STAT5A: variants seen among roughly 807,000 people sequenced by gnomAD.
The protein encoded by STAT5A is signal transducer and activator of transcription 5A.
STAT5A carries 26 observed loss-of-function variants against 100.2 expected under a neutral mutation model. The observed-to-expected ratio is 0.26, with a 90% CI of 0.19 to 0.36. STAT5A has a LOEUF of 0.36. Among genes scored for constraint, STAT5A ranks in the 10% least tolerant of loss-of-function variants. The pLI is 1.00. For synonymous variants in STAT5A, 330 were observed against 424.3 expected, an observed-to-expected ratio of 0.78 and a Z score of 2.73; for missense variants, 634 against 1,027.5, an observed-to-expected ratio of 0.62 and a Z score of 5.24.
At position 42,296,568 on chromosome 17, in the gene STAT5A, C is replaced by T. The variant is rs751570125; in HGVS notation, c.550+775C>T. ...GTGTCAAACTGCTTTTTCCTTTACT[C>T]TTTTTAATCTGATTTCTTAAGGTAG... On this transcript the variant is annotated intron_variant, in intron 5 of 18. Transcript: ENST00000590949. 4.6e-5 allele frequency among the ~76,000 whole-genome samples: 7 copies of T among 152,160 alleles called. No homozygotes were observed. In the East Asian group the frequency reaches 7.7e-4, roughly 17 times the overall value.
chr17:42,303,418 G>C (rs2080999573), intron 9 of STAT5A, among the ~76,000 whole-genome samples: 1 of 149,824 alleles, frequency 6.7e-6, no homozygotes. Flanking sequence ...AGTTAAGACA[G>C]AGCAATCTAG....
At chr17:42,299,645 G>A (rs538224573) in intron 5 of STAT5A, 106 bp from the exon 6 acceptor site, 61 of 1,575,716 alleles carry the variant, frequency 3.9e-5, no homozygotes, top group South Asian at 1.3e-4. Context: ...TTGATGCAGT[G>A]TCTGAGCCTG....
upstream of STAT5A, chr17:42,288,210 G>C (rs1480492764): frequency 6.6e-6 from 1 of 152,308 alleles, no homozygotes; most frequent in African/African-American, 2.4e-5. The surrounding 1 kb of genome is among the most constrained non-coding windows in gnomAD (Gnocchi z 4.8). Context: ...CATTCCCCCG[G>C]CTATTCTGAC....
intron 1 of STAT5A, 143 bp from the exon 2 acceptor site, chr17:42,289,259 T>C: frequency 1.1e-6 from 1 of 943,974 alleles, no homozygotes; most frequent in Non-Finnish European, 1.5e-6. Context: ...CCATCTCTGT[T>C]CCCGCACAGG....
Position 42,299,901 on chromosome 17 carries a change from T to G in STAT5A, c.681+20T>G. On this transcript the variant is annotated intron_variant, in intron 6 of 18. Coordinates refer to ENST00000590949, the MANE Select transcript of STAT5A (RefSeq NM_001288718.2). ...CGCGTGGTGAGTGGGGTCCTGGGCC[T>G]CTCCTGGGCGTGGGTGCCATGAAGT... 6.3e-7 allele frequency: 1 copy of G among 1,593,928 alleles called. No homozygotes were observed. The highest frequency in any genetic ancestry group is 8.5e-7 in the Non-Finnish European group (1 of 1,171,860).
intron 9 of STAT5A, among the ~76,000 whole-genome samples, chr17:42,303,308 C>T (rs1485340901): frequency 6.6e-6 from 1 of 152,140 alleles, no homozygotes; most frequent in Non-Finnish European, 1.5e-5. Flanking sequence ...GACAAATGAC[C>T]TTCTCACTGC....
At chr17:42,306,214 T>G in intron 12 of STAT5A, 27 bp from the exon 13 acceptor site, 2 of 1,613,960 alleles carry the variant, frequency 1.2e-6, no homozygotes, top group Non-Finnish European at 1.7e-6. Context: ...TCAATCTACC[T>G]TTTCCCCTCT....
rs3833144 is a variant in STAT5A at position 42,310,778 on chromosome 17, TTGTGTGTGTG to T, written c.*123_*132del. ...GACACCTTTGCAGGCATGCATGTGC[TTGTGTGTGTG>T]TGTGTGTGTGTGTCCTTGTGCATGA... On this transcript the variant is annotated 3_prime_UTR_variant, in exon 19 of 19. Coordinates refer to ENST00000590949, the MANE Select transcript of STAT5A (RefSeq NM_001288718.2). The T allele has an allele frequency of 4.8e-5, 68 of 1,426,546 alleles. No individual in the cohort carries two copies. In the African/African-American group the frequency reaches 6.1e-4, roughly 13 times the overall value. 88.4% of individuals were successfully genotyped at this position (1,426,546 alleles called of 1,614,324 possible). A position where few individuals can be genotyped will look rare whatever the true frequency, so the allele number is the denominator to read the frequency against.
intron 8 of STAT5A, among the ~76,000 whole-genome samples, 190 bp downstream of exon 8, chr17:42,301,060 C>T (rs760759166): frequency 2.6e-5 from 4 of 152,088 alleles, no homozygotes; most frequent in Non-Finnish European, 4.4e-5. Context: ...CAAGAGATAC[C>T]CTGGGCCGCA....
intron 5 of STAT5A, among the ~76,000 whole-genome samples, chr17:42,298,616 C>T (rs2080943583): frequency 6.6e-6 from 1 of 152,006 alleles, no homozygotes; most frequent in Admixed American, 6.5e-5. Context: ...GAACTACAGG[C>T]ACCCGCCACC....
intron 15 of STAT5A, 23 bp downstream of exon 15, chr17:42,307,746 C>T (rs1216200293): frequency 1.2e-6 from 2 of 1,610,028 alleles, no homozygotes; most frequent in African/African-American, 1.3e-5. Flanking sequence ...TTTGCCCACA[C>T]TCCAGCCCCA....
intron 4 of STAT5A, among the ~76,000 whole-genome samples, chr17:42,294,614 T>G (rs1179338483): frequency 1.3e-5 from 2 of 152,204 alleles, no homozygotes; most frequent in Non-Finnish European, 1.5e-5. Context: ...CCAGTTAAAG[T>G]GCTTTGCCTC....
chr17:42,306,164 G>A lies in STAT5A; in HGVS notation c.1474-77G>A, dbSNP rs142662469. 5.3e-5 allele frequency: 85 copies of A among 1,607,874 alleles called. No individual in the cohort carries two copies. The African/African-American group carries it at 8.3e-4, about 16-fold the overall frequency. ...GTCTCAGTCTCCTCTGTCTCTAGGT[G>A]TCTGTGTATCTTGTGTGTGTGTGAA... On this transcript the variant is annotated intron_variant, in intron 12 of 18. Coordinates refer to ENST00000590949, the MANE Select transcript of STAT5A (RefSeq NM_001288718.2).
intron 12 of STAT5A, 44 bp from the exon 13 acceptor site, chr17:42,306,197 A>G: frequency 6.2e-7 from 1 of 1,613,638 alleles, no homozygotes; most frequent in Non-Finnish European, 8.5e-7. Context: ...GAATATTTCC[A>G]ACTCCCTCAA....
At position 42,304,218 on chromosome 17, in the gene STAT5A, G is replaced by A. The variant is rs1395938124; in HGVS notation, c.1170-124G>A. The A allele has an allele frequency of 2.3e-6, 2 of 854,152 alleles. No homozygotes were observed. Among genetic ancestry groups the A allele is most frequent in the East Asian group, 5.3e-5 (2 of 37,960 alleles). 52.9% of individuals were successfully genotyped at this position (854,152 alleles called of 1,614,324 possible). A position where few individuals can be genotyped will look rare whatever the true frequency, so the allele number is the denominator to read the frequency against. ...AGAAAGACGCCAAGAAACACTCTTA[G>A]GGGATACGGGGCAGGGGCTGCTGGC... On this transcript the variant is annotated intron_variant, in intron 9 of 18. Transcript: ENST00000590949. The surrounding 1 kb of genome is among the most constrained non-coding windows in gnomAD (Gnocchi z 4.8).
At position 42,299,819 on chromosome 17, in the gene STAT5A, A is replaced by G. The variant is rs369438268; in HGVS notation, c.619A>G (p.Lys207Glu). Reference protein sequence around the residue: ...RLSRETALQQKQVSLEAWLQR... With the variant: ...RLSRETALQQEQVSLEAWLQR... ...GAGCCGGGAGACGGCCCTCCAGCAG[A>G]AGCAGGTGTCTCTGGAGGCCTGGTT... is the stretch of plus-strand genomic sequence containing the variant. The change falls in exon 6 of 19, where the codon AAG (lysine) becomes GAG (glutamate). Residue 207 changes from lysine to glutamate, a missense_variant. Transcript: ENST00000590949. 85 of 1,613,488 alleles carry G rather than the reference A, an allele frequency of 5.3e-5. 1 individual carries two copies. Among genetic ancestry groups the G allele is most frequent in the Admixed American group, 1.5e-4 (9 of 59,984 alleles).
At chr17:42,300,930 G>A (rs912578415) in intron 8 of STAT5A, 60 bp downstream of exon 8, 12 of 1,609,574 alleles carry the variant, frequency 7.5e-6, no homozygotes, top group African/African-American at 1.3e-5. Flanking sequence ...TGCGTGGGGG[G>A]AGCTGCAGGT....
intron 9 of STAT5A, among the ~76,000 whole-genome samples, chr17:42,303,096 A>G (rs941214045): frequency 6.6e-6 from 1 of 152,148 alleles, no homozygotes; most frequent in Non-Finnish European, 1.5e-5. Flanking sequence ...AAATACAAAA[A>G]TTAGCTGGGC....
intron 4 of STAT5A, among the ~76,000 whole-genome samples, chr17:42,293,829 A>G (rs1213937844): frequency 6.6e-6 from 1 of 152,240 alleles, no homozygotes; most frequent in Non-Finnish European, 1.5e-5. Context: ...CGAGAGCAGG[A>G]GGGCATGAAT....
Sources: allele counts gnomAD v4.1 joint callset (sites outside exome capture counted in the v4.1 genomes callset), GRCh38; gene constraint gnomAD v4.1.1; non-coding constraint Gnocchi (gnomAD v3.1); transcripts MANE v1.5; gene names NCBI Gene and HGNC (gene_info 2026-07-23, HGNC 2026-07-21).